Variants in ST3GAL3 observed in about 807,000 individuals in gnomAD.
ST3GAL3 encodes the protein CMP-N-acetylneuraminate-beta-1,4-galactoside alpha-2,3-sialyltransferase.
ST3GAL3 carries 21 observed loss-of-function variants against 50.1 expected under a neutral mutation model. The ratio of observed to expected loss-of-function variants is 0.42; its 90% CI spans 0.30 to 0.60. ST3GAL3 has a LOEUF of 0.60. Ranked by LOEUF, ST3GAL3 falls within the 20% of genes least tolerant of loss-of-function variation. The pLI, the probability that ST3GAL3 is intolerant of heterozygous loss-of-function variation, is 0.19. For synonymous variants in ST3GAL3, 183 were observed against 190.0 expected, an observed-to-expected ratio of 0.96 and a Z score of 0.30; for missense variants, 353 against 489.4, an observed-to-expected ratio of 0.72 and a Z score of 2.63.
At chr1:43,720,275 T>G (rs1669769182) in intron 1 of ST3GAL3, among the ~76,000 whole-genome samples, 1 of 152,122 alleles carries the variant, frequency 6.6e-6, no homozygotes, top group Non-Finnish European at 1.5e-5. Context: ...GTGGAGAAAT[T>G]GGAATGCTCA....
In ST3GAL3 at chr1:43,731,378, ATTTTTTTTTTTTTT is replaced by A. The variant is rs4019073; in HGVS notation, c.-30-4844_-30-4831del. Among the ~76,000 whole-genome samples the A allele has an allele frequency of 9.0e-3, 632 of 69,878 alleles. 10 individuals carry two copies. Among genetic ancestry groups the A allele is most frequent in the African/African-American group, 0.033 (607 of 18,356 alleles). 45.8% of individuals were successfully genotyped at this position (69,878 alleles called of 152,430 possible). ...AGGTGCGTGCCACCGCACCCAGCTA[ATTTTTTTTTTTTTT>A]TTTTTTTTTTGAGATGGAGTCTTGC... On this transcript the variant is annotated intron_variant, in intron 1 of 11. Coordinates refer to ENST00000347631, the MANE Select transcript of ST3GAL3 (RefSeq NM_006279.5).
At chr1:43,898,419 A>C in intron 7 of ST3GAL3, 121 bp downstream of exon 7, 1 of 977,136 alleles carries the variant, frequency 1.0e-6, no homozygotes, top group East Asian at 2.4e-5. Flanking sequence ...ACATGCACAT[A>C]CAGTACACAC....
At position 43,876,828 on chromosome 1, in the gene ST3GAL3, G is replaced by C. The variant is rs1028607770; in HGVS notation, c.303-17555G>C. Among the ~76,000 whole-genome samples the C allele has an allele frequency of 2.0e-5, 3 of 152,346 alleles. No homozygotes were observed. The South Asian group carries it at 6.2e-4, about 32-fold the overall frequency. ...CCCTATCCAGTGGGCAGGGCCCATT[G>C]TTGTAGCTATTCATTCATTCATTCA... On this transcript the variant is annotated intron_variant, in intron 5 of 11. Coordinates refer to ENST00000347631, the MANE Select transcript of ST3GAL3 (RefSeq NM_006279.5).
At chr1:43,862,520 C>T (rs1234725478) in intron 5 of ST3GAL3, among the ~76,000 whole-genome samples, 2 of 152,084 alleles carry the variant, frequency 1.3e-5, no homozygotes, top group Non-Finnish European at 2.9e-5. Flanking sequence ...GCGGGTCCTA[C>T]TGACCTAGTT....
At chr1:43,906,086 C>T (rs1275977721) in intron 9 of ST3GAL3, among the ~76,000 whole-genome samples, 3 of 126,220 alleles carry the variant, frequency 2.4e-5, no homozygotes, top group African/African-American at 9.0e-5. Context: ...CCTCCCCCTC[C>T]TCCTGCTCCT....
At chr1:43,837,537 C>T (rs1348878744) in intron 4 of ST3GAL3, among the ~76,000 whole-genome samples, 1 of 152,146 alleles carries the variant, frequency 6.6e-6, no homozygotes, top group Non-Finnish European at 1.5e-5. Context: ...TAGGAACATA[C>T]AAGGAAGGTG....
chr1:43,862,028 T>TA (rs78700565), intron 5 of ST3GAL3, among the ~76,000 whole-genome samples: 7,661 of 130,920 alleles, frequency 0.059, 612 homozygotes, highest in African/African-American at 0.19. Flanking sequence ...AAATCTGTCT[T>TA]AAAAAAAAAA....
chr1:43,898,247 A>G lies in ST3GAL3; in HGVS notation c.410A>G (p.Lys137Arg), dbSNP rs1485860306. 6.2e-7 allele frequency: 1 copy of G among 1,613,808 alleles called. No homozygotes were observed. Among genetic ancestry groups the G allele is most frequent in the Non-Finnish European group, 8.5e-7 (1 of 1,180,012 alleles). ...CCTCTGTCTGCAGACAATCTGATCAAAGCCATCTTGTCAGTCACCAAAGAG... is the reference window on the plus strand; with the variant it reads ...CCTCTGTCTGCAGACAATCTGATCAGAGCCATCTTGTCAGTCACCAAAGAG... ...FGIKGQDNLI[K>R]AILSVTKEYR... Residue 137 changes from lysine to arginine, a missense_variant, in exon 7 of 12, where the codon AAA becomes AGA. By Grantham distance (26) the Lys-to-Arg change is conservative. Coordinates refer to ENST00000347631, the MANE Select transcript of ST3GAL3 (RefSeq NM_006279.5).
At chr1:43,776,021 A>G (rs1697102939) in intron 2 of ST3GAL3, among the ~76,000 whole-genome samples, 1 of 152,170 alleles carries the variant, frequency 6.6e-6, no homozygotes, top group South Asian at 2.1e-4. Context: ...TTTCTTGTAG[A>G]TAATAGTTTT....
chr1:43,894,302 C>A, intron 5 of ST3GAL3, 81 bp from the exon 6 acceptor site: 1 of 1,414,522 alleles, frequency 7.1e-7, no homozygotes, highest in Non-Finnish European at 1.0e-6. Flanking sequence ...AGATCCTTTG[C>A]CAAGACCGAC....
chr1:43,736,500 CTGGGACTT>C (rs1678518587), intron 2 of ST3GAL3, 120 bp downstream of exon 2: 5 of 1,589,026 alleles, frequency 3.1e-6, no homozygotes, highest in Non-Finnish European at 4.3e-6. Flanking sequence ...CTGAACATTT[CTGGGACTT>C]TGGCCTAGAA....
chr1:43,906,866 A>G (rs1020880024), intron 9 of ST3GAL3, among the ~76,000 whole-genome samples: 3 of 152,226 alleles, frequency 2.0e-5, no homozygotes, highest in Non-Finnish European at 4.4e-5. Context: ...TTAAGAAACT[A>G]GGGTACAGAG....
intron 4 of ST3GAL3, chr1:43,819,348 C>T (rs2061796385): frequency 6.6e-6 from 1 of 152,192 alleles, no homozygotes; most frequent in Non-Finnish European, 1.5e-5. Flanking sequence ...CCGCCTTGGC[C>T]TCCCAAAGTG....
intron 5 of ST3GAL3, among the ~76,000 whole-genome samples, chr1:43,856,867 A>AC (rs2068491621): frequency 1.3e-5 from 2 of 151,924 alleles, no homozygotes; most frequent in African/African-American, 4.8e-5. Flanking sequence ...ATAATGGTAT[A>AC]CCCCGTCTCT....
intron 9 of ST3GAL3, among the ~76,000 whole-genome samples, chr1:43,918,119 C>CTTTTTTTTTTTTTT (rs573834844): frequency 7.5e-6 from 1 of 133,904 alleles, no homozygotes; most frequent in African/African-American, 2.9e-5. Flanking sequence ...TTTTCTTTCT[C>CTTTTTTTTTTTTTT]TTTTTTTTTT....
At chr1:43,834,964 TCTG>T (rs1461828583) in intron 4 of ST3GAL3, among the ~76,000 whole-genome samples, 1 of 152,228 alleles carries the variant, frequency 6.6e-6, no homozygotes, top group Non-Finnish European at 1.5e-5. Context: ...ACTCAGTCCT[TCTG>T]AGTGAAGCAG....
At chr1:43,758,144 C>T (rs1688794880) in intron 2 of ST3GAL3, among the ~76,000 whole-genome samples, 1 of 150,052 alleles carries the variant, frequency 6.7e-6, no homozygotes, top group African/African-American at 2.4e-5. Context: ...CTATACTATA[C>T]TCCATTGGCT....
intron 4 of ST3GAL3, among the ~76,000 whole-genome samples, chr1:43,820,534 A>T (rs1484744621): frequency 6.6e-6 from 1 of 152,224 alleles, no homozygotes; most frequent in Non-Finnish European, 1.5e-5. Flanking sequence ...GAATGGGAGA[A>T]ATACTCCTAA....
chr1:43,710,011 T>C (rs1459395849), intron 1 of ST3GAL3, among the ~76,000 whole-genome samples: 2 of 152,122 alleles, frequency 1.3e-5, no homozygotes, highest in African/African-American at 4.8e-5. Flanking sequence ...TTCTTACTTT[T>C]CTTCTTTTTT....
Sources: allele counts gnomAD v4.1 joint callset (sites outside exome capture counted in the v4.1 genomes callset), GRCh38; gene constraint gnomAD v4.1.1; transcripts MANE v1.5; gene names NCBI Gene and HGNC (gene_info 2026-07-23, HGNC 2026-07-21).